UNC80: variants seen among roughly 807,000 people sequenced by gnomAD.
The protein encoded by UNC80 is unc-80 subunit of NALCN channel complex, also known as protein unc-80 homolog.
A neutral mutation model predicts 384.6 loss-of-function variants in UNC80; 164 were observed. The ratio of observed to expected loss-of-function variants is 0.43; its 90% confidence interval spans 0.38 to 0.49. The LOEUF (loss-of-function observed/expected upper bound fraction) is 0.49, where lower values mean the gene tolerates loss of function less well. Among genes scored for constraint, UNC80 ranks in the 20% least tolerant of loss-of-function variants. The pLI, the probability that UNC80 is intolerant of heterozygous loss-of-function variation, is 0.00. For missense variants in UNC80, 3,330 were observed against 4,143.0 expected (o/e 0.80, Z 5.39); for synonymous variants, 1,486 against 1,527.8 (o/e 0.97, Z 0.64).
At chr2:209,947,870 G>A (rs1016293731) in intron 47 of UNC80, among the ~76,000 whole-genome samples, 1 of 152,032 alleles carries the variant, frequency 6.6e-6, no homozygotes, top group Non-Finnish European at 1.5e-5. Flanking sequence ...CTACTATCCT[G>A]ATTTCTAATA....
chr2:209,849,341 C>CGG, intron 21 of UNC80, 110 bp from the exon 22 acceptor site: 3 of 1,240,300 alleles, frequency 2.4e-6, no homozygotes, highest in Admixed American at 2.6e-5. Context: ...AGAAAGTTTT[C>CGG]TGGCCAACAC....
chr2:209,991,821 C>T lies in UNC80; in HGVS notation c.9315-345C>T, dbSNP rs188278622. On this transcript the variant is annotated intron_variant, in intron 61 of 64. Coordinates refer to ENST00000673920, the MANE Select transcript of UNC80 (RefSeq NM_001371986.1). ...GTTGTTTGTGTTTGTTTGTCACCAC[C>T]GTTTCCCTTCCCCTTGGAAAAAAAA... Among the ~76,000 whole-genome samples the T allele has an allele frequency of 1.3e-3, 193 of 152,216 alleles. 1 individual carries two copies. Among genetic ancestry groups the T allele is most frequent in the African/African-American group, 4.4e-3 (182 of 41,530 alleles).
chr2:209,783,324 G>A (rs1353296956), intron 4 of UNC80, among the ~76,000 whole-genome samples: 1 of 152,034 alleles, frequency 6.6e-6, no homozygotes, highest in Non-Finnish European at 1.5e-5. Context: ...AGCATTGTGT[G>A]TTCCATTAAA....
intron 4 of UNC80, among the ~76,000 whole-genome samples, chr2:209,777,983 T>C (rs796502432): frequency 1.3e-5 from 2 of 152,310 alleles, no homozygotes; most frequent in African/African-American, 4.8e-5. Context: ...CCTGTCATAG[T>C]CCTCAAAATG....
chr2:209,813,518 C>CT, intron 7 of UNC80, 62 bp from the exon 8 acceptor site: 1 of 1,490,264 alleles, frequency 6.7e-7, no homozygotes. Flanking sequence ...ATAAGCCATG[C>CT]TGTGCTGCCC....
At chr2:209,915,956 T>G (rs2089488829) in intron 31 of UNC80, among the ~76,000 whole-genome samples, 1 of 152,252 alleles carries the variant, frequency 6.6e-6, no homozygotes, top group African/African-American at 2.4e-5. Flanking sequence ...GATCATTACA[T>G]TCTATTCATA....
rs1249009206 is a variant in UNC80, at chr2:209,904,880, A to G, written c.4697A>G (p.Lys1566Arg). 2 of 1,551,794 alleles carry G rather than the reference A, an allele frequency of 1.3e-6. No homozygotes were observed. The highest frequency in any genetic ancestry group is 1.7e-6 in the Non-Finnish European group (2 of 1,147,044). The stretch of plus-strand genomic sequence containing the variant: ...TGTGCCCGACTGGTCAGAGCCATCA[A>G]GCTACTCTATGGAGACAGTGTGGAC... ...RSCARLVRAI[K>R]LLYGDSVDSL... Residue 1566 changes from lysine to arginine, a missense_variant, in exon 29 of 65, where the codon AAG (lysine) becomes AGG (arginine). Physicochemically the swap from Lys to Arg is conservative, Grantham distance 26 (BLOSUM62 2). Transcript: ENST00000673920.
At chr2:209,778,786 T>C (rs564080764) in intron 4 of UNC80, among the ~76,000 whole-genome samples, 3 of 152,372 alleles carry the variant, frequency 2.0e-5, no homozygotes, top group African/African-American at 7.2e-5. Context: ...GACATGTTCA[T>C]CTGCTCTTTA....
Position 209,945,120 on chromosome 2 carries a change from G to C in UNC80, c.7120G>C (p.Glu2374Gln). The C allele has an allele frequency of 1.3e-6, 2 of 1,551,644 alleles. No homozygotes were observed. Among genetic ancestry groups the C allele is most frequent in the Non-Finnish European group, 1.7e-6 (2 of 1,146,918 alleles). The change falls in exon 46 of 65, where the codon GAG becomes CAG. Residue 2374 changes from glutamate to glutamine, a missense_variant. This residue lies in a region of UNC80 where 1,049 missense variants were observed against 1,488.6 expected (regional missense o/e 0.70). Coordinates refer to ENST00000673920, the MANE Select transcript of UNC80 (RefSeq NM_001371986.1). ...CCTGTTTGACTTGCTGCAGTCCCTA[G>C]AGGGAGAGACCACCGACATATTAGA... ...QCLFDLLQSL[E>Q]GETTDILDIL...
chr2:209,816,927 G>A lies in UNC80; in HGVS notation c.1354G>A (p.Asp452Asn). 3.9e-6 allele frequency: 6 copies of A among 1,551,672 alleles called. No individual in the cohort carries two copies. The highest frequency in any genetic ancestry group is 5.2e-6 in the Non-Finnish European group (6 of 1,146,992). Reference sequence around the variant, plus strand: ...ACTGTAGTTCAAGAGCCGCAAAGAAGACCGAGAGAGGAAAGGCTCCATTCC... The same window carrying A: ...ACTGTAGTTCAAGAGCCGCAAAGAAAACCGAGAGAGGAAAGGCTCCATTCC... ...IFKKFKSRKE[D>N]RERKGSIPFH... Residue 452 changes from aspartate (D) to asparagine (N), a missense_variant, in exon 10 of 65, where the codon GAC (aspartate) becomes AAC (asparagine). Transcript: ENST00000673920.
chr2:209,993,542 A>G lies in UNC80; in HGVS notation c.9508+116A>G, dbSNP rs2093430159. The G allele has an allele frequency of 2.2e-5, 17 of 787,592 alleles. No homozygotes were observed. The South Asian group carries it at 3.2e-4, about 15-fold the overall frequency. 48.8% of individuals were successfully genotyped at this position (787,592 alleles called of 1,614,324 possible). The stretch of plus-strand genomic sequence containing the variant: ...ATAAGCACACCTTTGGGGAGGTGCT[A>G]ACATAAGGGAAGGAGTTTCCCAGAA... On this transcript the variant is annotated intron_variant, in intron 63 of 64. Transcript: ENST00000673920.
intron 35 of UNC80, among the ~76,000 whole-genome samples, chr2:209,926,213 T>A (rs1019964628): frequency 1.3e-5 from 2 of 152,200 alleles, no homozygotes; most frequent in African/African-American, 4.8e-5. Context: ...ACCAGTTGCA[T>A]CTATGAAAAA....
intron 31 of UNC80, among the ~76,000 whole-genome samples, chr2:209,914,657 G>A (rs1430979117): frequency 6.7e-6 from 1 of 148,592 alleles, no homozygotes; most frequent in African/African-American, 2.5e-5. Flanking sequence ...AACTGTGTGT[G>A]TGTGTGTGTG....
chr2:209,840,300 C>G (rs2081640871), intron 19 of UNC80, among the ~76,000 whole-genome samples: 1 of 152,188 alleles, frequency 6.6e-6, no homozygotes. Context: ...AGATGTGAAG[C>G]TGGATAGATG....
chr2:209,834,191 A>G lies in UNC80; in HGVS notation c.2942+23A>G, dbSNP rs1011134500. 3.0e-5 allele frequency: 46 copies of G among 1,550,346 alleles called. 1 individual carries two copies. Among genetic ancestry groups the G allele is most frequent in the Non-Finnish European group, 3.5e-5 (40 of 1,146,288 alleles). ...AAGGTTGGAAGCTTGAACTCTCTGA[A>G]TATTACTGTTTGCCTTAAGTCAGTA... On this transcript the variant is annotated intron_variant, in intron 17 of 64. Coordinates refer to ENST00000673920, the MANE Select transcript of UNC80 (RefSeq NM_001371986.1).
intron 3 of UNC80, among the ~76,000 whole-genome samples, chr2:209,776,418 C>T (rs944557178): frequency 6.6e-6 from 1 of 152,066 alleles, no homozygotes; most frequent in Non-Finnish European, 1.5e-5. Context: ...CCCGTTTCTA[C>T]TAAAAATACA....
intron 7 of UNC80, among the ~76,000 whole-genome samples, chr2:209,807,968 T>C (rs891350606): frequency 6.6e-6 from 1 of 152,198 alleles, no homozygotes; most frequent in Admixed American, 6.5e-5. Flanking sequence ...TCAATATCAA[T>C]CAATTGAAAT....
rs144717120 is a variant in UNC80, at chr2:209,806,509, A to G, written c.939-7071A>G. On this transcript the variant is annotated intron_variant, in intron 7 of 64. Coordinates refer to ENST00000673920, the MANE Select transcript of UNC80 (RefSeq NM_001371986.1). ...GACATGAATCAGTGGCACTTTGGAA[A>G]AATGAATGAGGTTTTCTCTCTGCCC... 6.9e-3 allele frequency among the ~76,000 whole-genome samples: 1,054 copies of G among 152,346 alleles called. 13 individuals are homozygous for G. Among genetic ancestry groups the G allele is most frequent in the African/African-American group, 0.022 (923 of 41,584 alleles).
chr2:209,901,067 A>T (rs1438896132), intron 28 of UNC80, among the ~76,000 whole-genome samples: 2 of 152,232 alleles, frequency 1.3e-5, no homozygotes, highest in Non-Finnish European at 2.9e-5. Context: ...CTGATGTAGA[A>T]GTTGCAGCAA....
Sources: allele counts gnomAD v4.1 joint callset (sites outside exome capture counted in the v4.1 genomes callset), GRCh38; gene constraint gnomAD v4.1.1; regional missense constraint gnomAD v4.1.1; transcripts MANE v1.5; gene names NCBI Gene and HGNC (gene_info 2026-07-23, HGNC 2026-07-21).